ICA1: variants seen among roughly 807,000 people sequenced by gnomAD.
The protein encoded by ICA1 is 69 kDa islet cell autoantigen.
In ICA1, 40 loss-of-function variants were observed where a neutral mutation model predicts 71.0. That is an observed-to-expected ratio of 0.56 (90% confidence interval 0.44 to 0.73). The LOEUF is 0.73. Ranked by LOEUF, ICA1 falls within the 30% of genes least tolerant of loss-of-function variation. The probability of loss-of-function intolerance (pLI) is 0.00; values close to 1 mark genes in which losing one functional copy is unlikely to be tolerated. For synonymous variants in ICA1, 207 were observed against 209.5 expected, an observed-to-expected ratio of 0.99 and a Z score of 0.10; for missense variants, 578 against 576.5, an observed-to-expected ratio of 1.00 and a Z score of -0.03.
At chr7:8,170,391 GT>G (rs1807866181) in intron 6 of ICA1, among the ~76,000 whole-genome samples, 1 of 151,940 alleles carries the variant, frequency 6.6e-6, no homozygotes, top group Non-Finnish European at 1.5e-5. Flanking sequence ...CCTTTGGGGG[GT>G]TATTAGGACT....
At chr7:8,191,799 T>G (rs1215594915) in intron 6 of ICA1, among the ~76,000 whole-genome samples, 1 of 152,006 alleles carries the variant, frequency 6.6e-6, no homozygotes, top group East Asian at 1.9e-4. Flanking sequence ...CCTTCTTTCA[T>G]ATACTGGATG....
intron 13 of ICA1, among the ~76,000 whole-genome samples, chr7:8,119,828 A>G (rs890904603): frequency 4.6e-5 from 7 of 152,272 alleles, no homozygotes; most frequent in African/African-American, 1.7e-4. Flanking sequence ...CCTGAGTGAC[A>G]GAGTAAGAAT....
chr7:8,130,382 G>A lies in ICA1; in HGVS notation c.1061-2240C>T, dbSNP rs1449075840. Among the ~76,000 whole-genome samples, 1 of 152,214 alleles carries A rather than the reference G, an allele frequency of 6.6e-6. No individual in the cohort carries two copies. The highest frequency in any genetic ancestry group is 1.5e-5 in the Non-Finnish European group (1 of 68,040). On this transcript the variant is annotated intron_variant, in intron 12 of 13. Transcript: ENST00000402384. This position sits in a 1 kb window ranked among gnomAD's most constrained non-coding sequence, Gnocchi z 4.2. ...GCTGAAGGAAAGGAAAGCAACCTTC[G>A]CAGCTCAGGATGTGTCCATCAACAC...
chr7:8,127,110 A>G (rs376242963), intron 13 of ICA1, among the ~76,000 whole-genome samples: 1 of 150,784 alleles, frequency 6.6e-6, no homozygotes, highest in South Asian at 2.1e-4. Flanking sequence ...AGTAACTAGG[A>G]TTTGGGATTA....
At chr7:8,210,721 G>A (rs1034421010) in intron 6 of ICA1, among the ~76,000 whole-genome samples, 2 of 151,944 alleles carry the variant, frequency 1.3e-5, no homozygotes, top group African/African-American at 4.8e-5. Context: ...TTTTTTTAAT[G>A]TTTTATTTTT....
chr7:8,235,912 T>A lies in ICA1; in HGVS notation c.15A>T (p.Lys5Asn), dbSNP rs752613159. Residue 5 changes from lysine (K) to asparagine (N), a missense_variant and splice_region_variant, in exon 2 of 14, where the codon AAA becomes AAT. Physicochemically the swap from Lys to Asn is moderately conservative, Grantham distance 94. Coordinates refer to ENST00000402384, the MANE Select transcript of ICA1 (RefSeq NM_001136020.3). ...AGAAAAGATGACAAATTACTTACCA[T>A]TTGTGTCCTGACATGTTTTCTTCTT... MSGHKCSYPWDLQDR... is the reference protein window; with the variant it reads MSGHNCSYPWDLQDR... 23 of 1,613,458 alleles carry A rather than the reference T, an allele frequency of 1.4e-5. No individual in the cohort carries two copies. Among genetic ancestry groups the A allele is most frequent in the Non-Finnish European group, 1.9e-5 (23 of 1,179,684 alleles).
intron 1 of ICA1, among the ~76,000 whole-genome samples, chr7:8,242,589 A>T (rs1425121808): frequency 1.3e-5 from 2 of 151,866 alleles, no homozygotes; most frequent in East Asian, 3.9e-4. Context: ...AGGAGATAAG[A>T]CACAAAAAAC....
At chr7:8,259,724 A>C (rs1326938339) in intron 1 of ICA1, among the ~76,000 whole-genome samples, 1 of 152,200 alleles carries the variant, frequency 6.6e-6, no homozygotes, top group African/African-American at 2.4e-5. Flanking sequence ...TACCGCAGGG[A>C]TTCTGATTTT....
intron 1 of ICA1, among the ~76,000 whole-genome samples, chr7:8,240,668 A>G (rs1338460549): frequency 6.6e-6 from 1 of 152,184 alleles, no homozygotes; most frequent in Admixed American, 6.5e-5. Flanking sequence ...ACCTTGAAAA[A>G]AAGATCAGAC....
intron 6 of ICA1, among the ~76,000 whole-genome samples, chr7:8,175,527 TTC>T (rs1491486200): frequency 4.8e-5 from 7 of 146,254 alleles, no homozygotes; most frequent in East Asian, 2.0e-4. Context: ...AAGGGTTTTT[TTC>T]TTTATATCCA....
At position 8,135,445 on chromosome 7, in the gene ICA1, T is replaced by C. The variant is rs554246051; in HGVS notation, c.1060+3395A>G. 1.9e-3 allele frequency among the ~76,000 whole-genome samples: 285 copies of C among 152,132 alleles called. 1 individual carries two copies. The highest frequency in any genetic ancestry group is 6.4e-3 in the African/African-American group (266 of 41,474). On this transcript the variant is annotated intron_variant, in intron 12 of 13. Coordinates refer to ENST00000402384, the MANE Select transcript of ICA1 (RefSeq NM_001136020.3). ...AAAATGTACCAAAGCCAGCAGTACA[T>C]CCCAGGATGCTGAGGAAGACAGAGA...
intron 1 of ICA1, among the ~76,000 whole-genome samples, chr7:8,256,532 C>T (rs1187414567): frequency 6.6e-6 from 1 of 152,188 alleles, no homozygotes; most frequent in Non-Finnish European, 1.5e-5. Flanking sequence ...TTAGAATTTA[C>T]ATCAAGACTC....
chr7:8,154,775 C>T (rs920944383), intron 8 of ICA1, among the ~76,000 whole-genome samples: 4 of 152,166 alleles, frequency 2.6e-5, no homozygotes, highest in African/African-American at 9.7e-5. Flanking sequence ...TGGGAAGTCA[C>T]ACAATATCCT....
chr7:8,258,171 G>A (rs1810908171), intron 1 of ICA1, among the ~76,000 whole-genome samples: 1 of 152,134 alleles, frequency 6.6e-6, no homozygotes, highest in Admixed American at 6.6e-5. Flanking sequence ...AAAGGCAATT[G>A]GTTAGTTGAC....
chr7:8,199,004 G>A (rs4720768), intron 6 of ICA1, among the ~76,000 whole-genome samples: 28,602 of 152,130 alleles, frequency 0.19, 2,913 homozygotes, highest in Admixed American at 0.25. Flanking sequence ...GCTCAACATC[G>A]TTCATCATCA....
intron 6 of ICA1, among the ~76,000 whole-genome samples, chr7:8,193,357 C>G (rs763927107): frequency 1.3e-5 from 2 of 152,178 alleles, no homozygotes; most frequent in Non-Finnish European, 2.9e-5. Flanking sequence ...TCTATCTCAT[C>G]CTTTTACCAC....
At chr7:8,138,339 A>C (rs916088411) in intron 12 of ICA1, among the ~76,000 whole-genome samples, 8 of 152,190 alleles carry the variant, frequency 5.3e-5, no homozygotes, top group Non-Finnish European at 1.2e-4. Flanking sequence ...TAGTCCTACT[A>C]TCTCAACTCA....
chr7:8,230,362 T>C (rs1799901505), intron 3 of ICA1, among the ~76,000 whole-genome samples: 1 of 152,244 alleles, frequency 6.6e-6, no homozygotes, highest in South Asian at 2.1e-4. Flanking sequence ...TCTTGGTTTA[T>C]AAGTTAGCCT....
At position 8,218,497 on chromosome 7, in the gene ICA1, G is replaced by A; in HGVS notation, c.387C>T (p.Ala129=). The change falls in exon 6 of 14, where the codon GCC becomes GCT. Residue 129 remains alanine, a synonymous_variant. Transcript: ENST00000402384. Reference sequence around the variant, plus strand: ...GAAATCGACACAAAGGATTTCGTAAGGCCAACCTAGACAAGAGGACAAAGC... The same window carrying A: ...GAAATCGACACAAAGGATTTCGTAAAGCCAACCTAGACAAGAGGACAAAGC... ...ALCFSSQQRL[A]LRNPLCRFHQ... is the part of the protein sequence containing the mutation. The A allele has an allele frequency of 6.2e-7, 1 of 1,614,010 alleles. No homozygotes were observed.
Sources: gnomAD v4.1 joint callset for allele counts (sites outside exome capture counted in the v4.1 genomes callset) on GRCh38, gnomAD v4.1.1 for gene constraint, Gnocchi (gnomAD v3.1) non-coding constraint, MANE v1.5 for transcripts, NCBI Gene and HGNC (gene_info 2026-07-23, HGNC 2026-07-21) for gene names.